The following MEGF6 variants were observed in gnomAD, a reference collection of about 807,000 sequenced individuals.
MEGF6 encodes multiple EGF like domains 6.
MEGF6 carries 184 observed loss-of-function variants against 207.1 expected under a neutral mutation model. That is an observed-to-expected ratio of 0.89 (90% CI 0.79 to 1.00). MEGF6 has a LOEUF of 1.00. Among genes scored for constraint, MEGF6 ranks in the 50% least tolerant of loss-of-function variants. The pLI, the probability that MEGF6 is intolerant of heterozygous loss-of-function variation, is 0.00. For missense variants in MEGF6, 2,282 were observed against 2,202.9 expected, an observed-to-expected ratio of 1.04 and a Z score of -0.72; for synonymous variants, 1,038 against 910.0, an observed-to-expected ratio of 1.14 and a Z score of -2.53.
chr1:3,541,621 C>T (rs1371144419), intron 4 of MEGF6, among the ~76,000 whole-genome samples: 4 of 152,112 alleles, frequency 2.6e-5, no homozygotes, highest in Non-Finnish European at 4.4e-5. Flanking sequence ...GGGGGGCAGC[C>T]GGTCAGCGCC....
chr1:3,568,457 G>A (rs1462243139), intron 4 of MEGF6, among the ~76,000 whole-genome samples: 3 of 151,710 alleles, frequency 2.0e-5, no homozygotes, highest in Non-Finnish European at 4.4e-5. Flanking sequence ...GGACAGGGAG[G>A]CTCAAGCAGC....
intron 34 of MEGF6, 46 bp downstream of exon 34, chr1:3,493,725 T>C (rs1383519319): frequency 1.3e-6 from 2 of 1,596,258 alleles, no homozygotes. Flanking sequence ...TGGTCACTGA[T>C]GGAGACCCAC....
intron 18 of MEGF6, 124 bp downstream of exon 18, chr1:3,501,671 AG>A: frequency 7.5e-7 from 1 of 1,334,020 alleles, no homozygotes; most frequent in Non-Finnish European, 1.0e-6. Context: ...GTGCACTGTG[AG>A]CTCTCACACC....
chr1:3,611,297 C>G lies in MEGF6; in HGVS notation c.-29G>C. On this transcript the variant is annotated 5_prime_UTR_variant, in exon 1 of 37. Coordinates refer to ENST00000356575, the MANE Select transcript of MEGF6 (RefSeq NM_001409.4). ...GCGCGCCGGTGCCTCCTCCGCTCTC[C>G]GGCTCACAGGCGGCCCCGGCGGCTC... The G allele has an allele frequency of 3.5e-6, 5 of 1,426,072 alleles. No homozygotes were observed. Among genetic ancestry groups the G allele is most frequent in the Non-Finnish European group, 4.6e-6 (5 of 1,096,336 alleles). The allele number at this position is 1,426,072 out of a possible 1,614,324, so 88.3% of individuals were successfully genotyped here.
chr1:3,580,034 G>T (rs1244886754), intron 3 of MEGF6, 105 bp from the exon 4 acceptor site: 1 of 757,732 alleles, frequency 1.3e-6, no homozygotes, highest in Non-Finnish European at 2.1e-6. Flanking sequence ...AGCCTGCCAG[G>T]TCCCCAGCCC....
the MEGF6 span, among the ~76,000 whole-genome samples, chr1:3,617,427 T>A: frequency 6.6e-6 from 1 of 151,950 alleles, no homozygotes; most frequent in East Asian, 1.9e-4. Flanking sequence ...GGGAGCTGAA[T>A]GATGAGAACA....
chr1:3,507,277 G>C (rs1322465318), intron 14 of MEGF6, among the ~76,000 whole-genome samples: 1 of 152,224 alleles, frequency 6.6e-6, no homozygotes, highest in African/African-American at 2.4e-5. Context: ...AGGCAGAAAT[G>C]ATGAAGTCTG....
chr1:3,496,152 A>G (rs916638659), intron 29 of MEGF6, 134 bp from the exon 30 acceptor site: 1 of 1,294,618 alleles, frequency 7.7e-7, no homozygotes, highest in Non-Finnish European at 1.0e-6. Flanking sequence ...GGGGCCAGCC[A>G]ACTCTCATGC....
chr1:3,497,728 C>T (rs570597179), intron 26 of MEGF6: 166 of 395,728 alleles, frequency 4.2e-4, no homozygotes, highest in African/African-American at 2.7e-3. Context: ...ACTGAGGCGA[C>T]GGGAGCCAGC....
intron 4 of MEGF6, among the ~76,000 whole-genome samples, chr1:3,534,407 G>A (rs1260872562): frequency 6.6e-6 from 1 of 152,186 alleles, no homozygotes; most frequent in Non-Finnish European, 1.5e-5. Flanking sequence ...TATGGCTTGC[G>A]TGTGTGGCTC....
chr1:3,543,697 C>T (rs895412877), intron 4 of MEGF6, among the ~76,000 whole-genome samples: 5 of 152,242 alleles, frequency 3.3e-5, no homozygotes, highest in South Asian at 2.1e-4. Context: ...CCGGGTCATC[C>T]GGTCCACGCC....
At chr1:3,599,369 G>A (rs2101867783) in intron 2 of MEGF6, among the ~76,000 whole-genome samples, 1 of 152,326 alleles carries the variant, frequency 6.6e-6, no homozygotes, top group East Asian at 1.9e-4. Flanking sequence ...GCTGTGGGGT[G>A]AGCAGCTGCT....
chr1:3,621,460 G>A, the MEGF6 span, among the ~76,000 whole-genome samples: 1 of 152,184 alleles, frequency 6.6e-6, no homozygotes, highest in African/African-American at 2.4e-5. Context: ...ATTGTAGAGC[G>A]AGGATTATTA....
At chr1:3,615,337 G>C (rs1020405054), upstream of MEGF6, among the ~76,000 whole-genome samples, 4 of 152,208 alleles carry the variant, frequency 2.6e-5, no homozygotes, top group Non-Finnish European at 4.4e-5. Context: ...CCCTGGTGCA[G>C]AGCGCAGGTA....
chr1:3,518,244 G>A (rs561282356), intron 5 of MEGF6, among the ~76,000 whole-genome samples: 193 of 152,284 alleles, frequency 1.3e-3, no homozygotes, highest in Non-Finnish European at 2.5e-3. Context: ...AAGAGACACA[G>A]AGCACTCTCT....
At chr1:3,590,591 C>A (rs1000521544) in intron 3 of MEGF6, among the ~76,000 whole-genome samples, 4 of 152,150 alleles carry the variant, frequency 2.6e-5, no homozygotes, top group Non-Finnish European at 4.4e-5. Context: ...ACTCCTCGCT[C>A]CTACACAAAC....
At position 3,523,077 on chromosome 1, in the gene MEGF6, G is replaced by GT. The variant is rs1553195911; in HGVS notation, c.604+1046_604+1047insA. Among the ~76,000 whole-genome samples, 56 of 146,916 alleles carry GT rather than the reference G, an allele frequency of 3.8e-4. No individual in the cohort carries two copies. The East Asian group carries it at 9.5e-3, about 25-fold the overall frequency. ...GCCGGGACATGTGAGTGTGTGCCGG[G>GT]GGGGGGGCCCCAGGGCTGGCGAGCT... is the stretch of plus-strand genomic sequence containing the variant. On this transcript the variant is annotated intron_variant, in intron 5 of 36. Coordinates refer to ENST00000356575, the MANE Select transcript of MEGF6 (RefSeq NM_001409.4).
At chr1:3,602,387 A>C in intron 2 of MEGF6, 79 bp downstream of exon 2, 1 of 1,596,696 alleles carries the variant, frequency 6.3e-7, no homozygotes, top group Middle Eastern at 1.8e-4. Context: ...TCCTGGCCTC[A>C]GCTGCCCAGC....
chr1:3,505,068 TAGCAAG>T, intron 17 of MEGF6, 134 bp downstream of exon 17: 1 of 945,536 alleles, frequency 1.1e-6, no homozygotes, highest in Non-Finnish European at 1.5e-6. Flanking sequence ...GCAACACCGG[TAGCAAG>T]GCACCACCTG....
Sources: allele counts gnomAD v4.1 joint callset (sites outside exome capture counted in the v4.1 genomes callset), GRCh38; gene constraint gnomAD v4.1.1; transcripts MANE v1.5; gene names NCBI Gene and HGNC (gene_info 2026-07-23, HGNC 2026-07-21).